KDM1B: variants seen among roughly 807,000 people sequenced by gnomAD.
The protein encoded by KDM1B is lysine demethylase 1B.
A neutral mutation model predicts 107.4 loss-of-function variants in KDM1B; 63 were observed. The observed-to-expected ratio is 0.59, with a 90% CI of 0.48 to 0.72. KDM1B has a LOEUF of 0.72. Ranked by LOEUF, KDM1B falls within the 30% of genes least tolerant of loss-of-function variation. KDM1B has a pLI of 0.00. For missense variants in KDM1B, 749 were observed against 1,020.8 expected, an observed-to-expected ratio of 0.73 and a Z score of 3.63; for synonymous variants, 363 against 363.9, an observed-to-expected ratio of 1.00 and a Z score of 0.03.
chr6:18,161,323 T>G lies in KDM1B; in HGVS notation c.88-4T>G, dbSNP rs764138705. ...AATTTTAACATCAGCTGTGACTCCCTTAGGCGAAGAAGAAAGCAACAGAGA... is the reference window on the plus strand; with the variant it reads ...AATTTTAACATCAGCTGTGACTCCCGTAGGCGAAGAAGAAAGCAACAGAGA... On this transcript the variant is annotated splice_region_variant and splice_polypyrimidine_tract_variant and intron_variant, in intron 3 of 21. Coordinates refer to ENST00000650836, the MANE Select transcript of KDM1B (RefSeq NM_001364614.2). The G allele has an allele frequency of 2.5e-6, 4 of 1,613,676 alleles. No homozygotes were observed.
At chr6:18,199,394 A>G (rs1050750891) in intron 12 of KDM1B, among the ~76,000 whole-genome samples, 2 of 152,146 alleles carry the variant, frequency 1.3e-5, no homozygotes, top group African/African-American at 2.4e-5. Flanking sequence ...AGGGAAATAG[A>G]TTCCTCTGAG....
At chr6:18,195,446 T>A (rs1442443375) in intron 10 of KDM1B, among the ~76,000 whole-genome samples, 2 of 152,262 alleles carry the variant, frequency 1.3e-5, no homozygotes, top group East Asian at 3.9e-4. Flanking sequence ...CATATATGTA[T>A]GTTGTGGCCG....
rs1279169607 is a variant in KDM1B, at chr6:18,161,351, ACAG to A, written c.113_115del (p.Thr38_Asp39delinsAsn). On this transcript the variant is annotated inframe_deletion, in exon 4 of 22. Coordinates refer to ENST00000650836, the MANE Select transcript of KDM1B (RefSeq NM_001364614.2). ...GGCGAAGAAGAAAGCAACAGAGACA[ACAG>A]ATGAGGATGAAGATGGTGGCTCAGA... 1 of 1,614,006 alleles carries A rather than the reference ACAG, an allele frequency of 6.2e-7. No homozygotes were observed. The highest frequency in any genetic ancestry group is 1.1e-5 in the South Asian group (1 of 91,082).
intron 6 of KDM1B, among the ~76,000 whole-genome samples, chr6:18,170,817 T>C (rs964500940): frequency 1.6e-4 from 24 of 151,574 alleles, no homozygotes; most frequent in African/African-American, 5.3e-4. Context: ...AAAACCTTTC[T>C]CTTTTTTTTT....
At chr6:18,190,436 CAAA>C (rs59766756) in intron 9 of KDM1B, among the ~76,000 whole-genome samples, 1 of 107,380 alleles carries the variant, frequency 9.3e-6, no homozygotes, top group Admixed American at 9.7e-5. Context: ...ACTAAAAATA[CAAA>C]AAAAAAAAAA....
intron 9 of KDM1B, among the ~76,000 whole-genome samples, chr6:18,190,051 G>A (rs925147605): frequency 1.3e-5 from 2 of 151,856 alleles, no homozygotes; most frequent in African/African-American, 4.9e-5. Context: ...TGGGGAGGGT[G>A]AGGAAGGAGA....
At chr6:18,169,946 G>C (rs1352750552) in intron 6 of KDM1B, among the ~76,000 whole-genome samples, 2 of 151,780 alleles carry the variant, frequency 1.3e-5, no homozygotes, top group Non-Finnish European at 1.5e-5. Flanking sequence ...GTCTTGCTCT[G>C]TTGCCCAGGC....
chr6:18,205,817 C>T lies in KDM1B; in HGVS notation c.1659+153C>T, dbSNP rs1179364577. 6.6e-6 allele frequency among the ~76,000 whole-genome samples: 1 copy of T among 151,862 alleles called. No homozygotes were observed. The highest frequency in any genetic ancestry group is 1.5e-5 in the Non-Finnish European group (1 of 67,988). ...GACCATCCTGGCCAACATGGTGAAACCCTGTCTCTACTAAAATACAAAAAA... is the reference window on the plus strand; with the variant it reads ...GACCATCCTGGCCAACATGGTGAAATCCTGTCTCTACTAAAATACAAAAAA... On this transcript the variant is annotated intron_variant, in intron 15 of 21. Transcript: ENST00000650836. This position sits in a 1 kb window ranked among gnomAD's most constrained non-coding sequence, Gnocchi z 5.7.
chr6:18,223,392 A>G lies in KDM1B; in HGVS notation c.*1400A>G, dbSNP rs529711009. On this transcript the variant is annotated 3_prime_UTR_variant, in exon 22 of 22. Transcript: ENST00000650836. ...GGTCCCAAAACAAGCCAACAGCTGT[A>G]TATCTCAAAAGTTAACCCAAGACAA... 1.8e-4 allele frequency: 22 copies of G among 124,860 alleles called. No individual in the cohort carries two copies. Among genetic ancestry groups the G allele is most frequent in the Admixed American group, 6.2e-4 (6 of 9,748 alleles). 7.7% of individuals were successfully genotyped at this position (124,860 alleles called of 1,614,324 possible).
intron 7 of KDM1B, among the ~76,000 whole-genome samples, chr6:18,181,591 C>A (rs934918761): frequency 2.0e-5 from 3 of 151,922 alleles, no homozygotes; most frequent in African/African-American, 7.3e-5. Flanking sequence ...ACAAAGAATA[C>A]AAAAATTACC....
At chr6:18,194,435 G>T (rs1787510970) in intron 10 of KDM1B, among the ~76,000 whole-genome samples, 1 of 152,114 alleles carries the variant, frequency 6.6e-6, no homozygotes, top group Non-Finnish European at 1.5e-5. Flanking sequence ...AGTGTGATGT[G>T]CTCTGCCGCC....
In KDM1B at chr6:18,197,497, G is replaced by T; in HGVS notation, c.1147-90G>T. On this transcript the variant is annotated intron_variant, in intron 11 of 21. Coordinates refer to ENST00000650836, the MANE Select transcript of KDM1B (RefSeq NM_001364614.2). The surrounding 1 kb of genome is among the most constrained non-coding windows in gnomAD (Gnocchi z 4.5). The stretch of plus-strand genomic sequence containing the variant: ...CTAAGGACATCAAAGAAATGTAAAT[G>T]AACGAATTTGCTCTGCAGTTCCGGA... The T allele has an allele frequency of 9.8e-7, 1 of 1,017,018 alleles. No homozygotes were observed. The highest frequency in any genetic ancestry group is 1.4e-5 in the South Asian group (1 of 73,958). The allele number at this position is 1,017,018 out of a possible 1,614,324, so 63.0% of individuals were successfully genotyped here. A position where few individuals can be genotyped will look rare whatever the true frequency, so the allele number is the denominator to read the frequency against.
chr6:18,208,601 A>ATGTGTGTG (rs200698143), intron 17 of KDM1B, among the ~76,000 whole-genome samples: 1 of 38,278 alleles, frequency 2.6e-5, no homozygotes, highest in East Asian at 8.4e-4. Flanking sequence ...AAGTATGTGT[A>ATGTGTGTG]TGTATATATA....
At chr6:18,177,847 C>T (rs1786129426) in intron 7 of KDM1B, among the ~76,000 whole-genome samples, 1 of 152,064 alleles carries the variant, frequency 6.6e-6, no homozygotes, top group Non-Finnish European at 1.5e-5. Flanking sequence ...TGCTTTTATG[C>T]TACAATGACA....
In KDM1B at chr6:18,205,408, G is replaced by A; in HGVS notation, c.1532-129G>A. The A allele has an allele frequency of 1.3e-6, 1 of 744,532 alleles. No individual in the cohort carries two copies. Among genetic ancestry groups the A allele is most frequent in the South Asian group, 2.1e-5 (1 of 48,620 alleles). 46.1% of individuals were successfully genotyped at this position (744,532 alleles called of 1,614,324 possible). On this transcript the variant is annotated intron_variant, in intron 14 of 21. Transcript: ENST00000650836. This position sits in a 1 kb window ranked among gnomAD's most constrained non-coding sequence, Gnocchi z 5.7. Reference sequence around the variant, plus strand: ...CTTATCAAGAGATCTTTTCCCCTCTGACTTTACTTGGGAAAAGACTTTGGA... The same window carrying A: ...CTTATCAAGAGATCTTTTCCCCTCTAACTTTACTTGGGAAAAGACTTTGGA...
chr6:18,189,369 C>T (rs926065601), intron 9 of KDM1B, among the ~76,000 whole-genome samples: 1 of 152,064 alleles, frequency 6.6e-6, no homozygotes, highest in East Asian at 1.9e-4. Context: ...TGTATGTTTA[C>T]GAAGGAAGAT....
chr6:18,169,389 C>T (rs1453385691), intron 6 of KDM1B, among the ~76,000 whole-genome samples: 1 of 151,840 alleles, frequency 6.6e-6, no homozygotes, highest in African/African-American at 2.4e-5. Context: ...CACCCGCCAC[C>T]ACACCTGGCT....
In KDM1B at chr6:18,166,398, C is replaced by T. The variant is rs542868133; in HGVS notation, c.417+20C>T. On this transcript the variant is annotated intron_variant, in intron 6 of 21. Coordinates refer to ENST00000650836, the MANE Select transcript of KDM1B (RefSeq NM_001364614.2). ...TACTGGGTAAGGAGAGTGATGCTCT[C>T]TGTCTGTGAAGTATTTGTGGAGCCA... is the stretch of plus-strand genomic sequence containing the variant. The T allele has an allele frequency of 4.0e-5, 56 of 1,406,590 alleles. 1 individual carries two copies. The South Asian group carries it at 6.2e-4, about 16-fold the overall frequency. The allele number at this position is 1,406,590 out of a possible 1,614,324, so 87.1% of individuals were successfully genotyped here.
Position 18,188,002 on chromosome 6 carries a change from G to A in KDM1B, c.784G>A (p.Val262Ile), listed in dbSNP as rs1235660093. 1.9e-6 allele frequency: 3 copies of A among 1,550,064 alleles called. No homozygotes were observed. Among genetic ancestry groups the A allele is most frequent in the South Asian group, 1.2e-5 (1 of 84,046 alleles). The change falls in exon 9 of 22, where the codon GTT becomes ATT. Residue 262 changes from valine to isoleucine, a missense_variant and splice_region_variant. Coordinates refer to ENST00000650836, the MANE Select transcript of KDM1B (RefSeq NM_001364614.2). ...EHSKAALSVHVPGMNRYFQPF... is the reference protein window; with the variant it reads ...EHSKAALSVHIPGMNRYFQPF... ...CTCCAAGGCTGCCCTCTCCGTGCAC[G>A]GTGAGAGCCATTCCTGGGACTCCCT...
Sources: gnomAD v4.1 joint callset for allele counts (sites outside exome capture counted in the v4.1 genomes callset) on GRCh38, gnomAD v4.1.1 for gene constraint, Gnocchi (gnomAD v3.1) non-coding constraint, MANE v1.5 for transcripts, NCBI Gene and HGNC (gene_info 2026-07-23, HGNC 2026-07-21) for gene names.